Variants in TMEFF2 observed in about 807,000 individuals in gnomAD.
TMEFF2 encodes tomoregulin-2.
In TMEFF2, 28 loss-of-function variants were observed where a neutral mutation model predicts 53.8. That is an observed-to-expected ratio of 0.52 (90% confidence interval 0.39 to 0.71). The LOEUF (loss-of-function observed/expected upper bound fraction) is 0.71, where lower values mean the gene tolerates loss of function less well. TMEFF2 is among the 30% of genes least tolerant of loss of function. The pLI, the probability that TMEFF2 is intolerant of heterozygous loss-of-function variation, is 0.00. For synonymous variants in TMEFF2, 162 were observed against 166.3 expected (o/e 0.97, Z 0.20); for missense variants, 353 against 455.2 (o/e 0.78, Z 2.04).
chr2:192,098,503 G>A lies in TMEFF2; in HGVS notation c.440-40728C>T, dbSNP rs79502509. ...AAATACTCTGAGGTTGCCAGTAGAC[G>A]TTTCCTGATTTGACAGTGAGATTTA... On this transcript the variant is annotated intron_variant, in intron 4 of 9. Transcript: ENST00000272771. 5.1e-3 allele frequency among the ~76,000 whole-genome samples: 780 copies of A among 152,262 alleles called. 9 individuals are homozygous for A. Among genetic ancestry groups the A allele is most frequent in the African/African-American group, 0.018 (748 of 41,564 alleles).
At chr2:192,184,508 T>C (rs113731575) in intron 2 of TMEFF2, 25 bp from the exon 3 acceptor site, 45 of 1,612,168 alleles carry the variant, frequency 2.8e-5, no homozygotes, top group Non-Finnish European at 3.6e-5. Flanking sequence ...GATGTAAGCC[T>C]ATAGTTAGTA....
At chr2:191,956,226 T>A in intron 8 of TMEFF2, 29 bp downstream of exon 8, 1 of 1,585,454 alleles carries the variant, frequency 6.3e-7, no homozygotes, top group Non-Finnish European at 8.6e-7. Context: ...ACTTTATACA[T>A]TAACTATTCT....
At chr2:192,153,990 T>C (rs184191053) in intron 4 of TMEFF2, among the ~76,000 whole-genome samples, 138 of 152,018 alleles carry the variant, frequency 9.1e-4, no homozygotes, top group Non-Finnish European at 5.9e-4. Context: ...ACAGTGCTTG[T>C]ATATTAAATT....
chr2:191,994,323 T>TA (rs1012415641), intron 7 of TMEFF2, among the ~76,000 whole-genome samples: 14 of 151,904 alleles, frequency 9.2e-5, no homozygotes, highest in Non-Finnish European at 8.8e-5. Flanking sequence ...TGTCATAAAA[T>TA]AAAAAACATT....
chr2:191,960,346 A>G (rs920489567), intron 7 of TMEFF2, among the ~76,000 whole-genome samples: 4 of 152,242 alleles, frequency 2.6e-5, no homozygotes, highest in Non-Finnish European at 5.9e-5. Flanking sequence ...TTCGACTTCT[A>G]TGTAGCCTTC....
intron 4 of TMEFF2, among the ~76,000 whole-genome samples, chr2:192,087,321 T>C (rs1460858759): frequency 6.6e-6 from 1 of 151,822 alleles, no homozygotes; most frequent in Non-Finnish European, 1.5e-5. Flanking sequence ...AGTGCCAGGG[T>C]TGCGGAAATC....
At chr2:192,165,000 G>GTGTT (rs2106015905) in intron 4 of TMEFF2, among the ~76,000 whole-genome samples, 1 of 152,062 alleles carries the variant, frequency 6.6e-6, no homozygotes, top group South Asian at 2.1e-4. Flanking sequence ...GTGTGTGTGT[G>GTGTT]TGTGTGTGTA....
chr2:192,101,749 T>A (rs550736878), intron 4 of TMEFF2, among the ~76,000 whole-genome samples: 1 of 152,124 alleles, frequency 6.6e-6, no homozygotes, highest in Non-Finnish European at 1.5e-5. Flanking sequence ...AGACTGAAAA[T>A]GCAGACTGTC....
chr2:192,056,721 C>T (rs1480394699), intron 5 of TMEFF2, among the ~76,000 whole-genome samples: 2 of 152,100 alleles, frequency 1.3e-5, no homozygotes, highest in Non-Finnish European at 2.9e-5. Context: ...TCCTAACCCC[C>T]AAGATGATAG....
chr2:192,165,556 T>C (rs1690742842), intron 4 of TMEFF2, among the ~76,000 whole-genome samples: 1 of 152,096 alleles, frequency 6.6e-6, no homozygotes, highest in African/African-American at 2.4e-5. Context: ...CACACACACA[T>C]AAAATTTGTA....
At chr2:192,091,654 G>A (rs1348111008) in intron 4 of TMEFF2, among the ~76,000 whole-genome samples, 1 of 151,170 alleles carries the variant, frequency 6.6e-6, no homozygotes, top group East Asian at 2.0e-4. Flanking sequence ...TGGCATTGTG[G>A]TTTTATTACG....
At chr2:191,986,785 G>A (rs995544167) in intron 7 of TMEFF2, among the ~76,000 whole-genome samples, 4 of 148,546 alleles carry the variant, frequency 2.7e-5, no homozygotes, top group Non-Finnish European at 5.9e-5. Flanking sequence ...TAGAACCAGG[G>A]AAGCAGAGGT....
intron 4 of TMEFF2, among the ~76,000 whole-genome samples, chr2:192,069,081 A>T (rs1688227608): frequency 6.6e-6 from 1 of 151,488 alleles, no homozygotes; most frequent in Admixed American, 6.6e-5. Context: ...ATCCAGCTAC[A>T]TACCTTCCTT....
intron 7 of TMEFF2, among the ~76,000 whole-genome samples, chr2:191,957,996 G>A (rs1176726968): frequency 1.3e-5 from 2 of 152,200 alleles, no homozygotes; most frequent in African/African-American, 4.8e-5. Flanking sequence ...TTGGTAGCAA[G>A]TGCAGCTGCA....
chr2:192,134,347 C>T (rs1689942274), intron 4 of TMEFF2, among the ~76,000 whole-genome samples: 1 of 152,138 alleles, frequency 6.6e-6, no homozygotes, highest in African/African-American at 2.4e-5. Context: ...ATCCCATTTC[C>T]CCACATTTCC....
intron 4 of TMEFF2, among the ~76,000 whole-genome samples, chr2:192,066,516 T>C (rs1688172633): frequency 6.6e-6 from 1 of 151,900 alleles, no homozygotes; most frequent in African/African-American, 2.4e-5. Context: ...TTACAGAATA[T>C]TTAATTTTTC....
intron 7 of TMEFF2, among the ~76,000 whole-genome samples, chr2:191,971,597 A>C (rs1415830748): frequency 1.3e-5 from 2 of 152,204 alleles, no homozygotes; most frequent in East Asian, 3.9e-4. Context: ...AGAGAAGGTA[A>C]CAAACATGTT....
In TMEFF2 at chr2:192,128,568, G is replaced by T. The variant is rs146011675; in HGVS notation, c.439+51100C>A. ...GTTGCCTTCTTATCGCAAGAAAAGA[G>T]TAGACAAACAGTATCTATTTTAATT... is the stretch of plus-strand genomic sequence containing the variant. On this transcript the variant is annotated intron_variant, in intron 4 of 9. Coordinates refer to ENST00000272771, the MANE Select transcript of TMEFF2 (RefSeq NM_016192.4). 2.2e-4 allele frequency among the ~76,000 whole-genome samples: 34 copies of T among 152,284 alleles called. No individual in the cohort carries two copies. In the East Asian group the frequency reaches 6.6e-3, roughly 29 times the overall value.
Position 191,949,796 on chromosome 2 carries a change from T to C in TMEFF2, c.*515A>G. On this transcript the variant is annotated 3_prime_UTR_variant, in exon 10 of 10. Transcript: ENST00000272771. ...ATAGAGATGATTCAAAGATCGGAAATATTTTATCCTCACTCGATATAAAGT... is the reference window on the plus strand; with the variant it reads ...ATAGAGATGATTCAAAGATCGGAAACATTTTATCCTCACTCGATATAAAGT... 1 of 985,218 alleles carries C rather than the reference T, an allele frequency of 1.0e-6. No homozygotes were observed. Among genetic ancestry groups the C allele is most frequent in the Non-Finnish European group, 1.2e-6 (1 of 829,748 alleles). The allele number at this position is 985,218 out of a possible 1,614,324, so 61.0% of individuals were successfully genotyped here.
Sources: gnomAD v4.1 joint callset for allele counts (sites outside exome capture counted in the v4.1 genomes callset) on GRCh38, gnomAD v4.1.1 for gene constraint, MANE v1.5 for transcripts, NCBI Gene and HGNC (gene_info 2026-07-23, HGNC 2026-07-21) for gene names.